Variants in NSUN3 observed in about 807,000 individuals in gnomAD.
NSUN3 encodes the protein tRNA (cytosine(34)-C(5))-methyltransferase, mitochondrial.
A neutral mutation model predicts 36.8 loss-of-function variants in NSUN3; 24 were observed. That is an observed-to-expected ratio of 0.65 (90% CI 0.47 to 0.92). The LOEUF is 0.92. Among genes scored for constraint, NSUN3 ranks in the 40% least tolerant of loss-of-function variants. The pLI is 0.00. For missense variants in NSUN3, 381 were observed against 392.8 expected (o/e 0.97, Z 0.25); for synonymous variants, 146 against 145.2 (o/e 1.01, Z -0.04).
chr3:94,067,823 A>G (rs947597382), intron 2 of NSUN3, among the ~76,000 whole-genome samples: 1 of 151,916 alleles, frequency 6.6e-6, no homozygotes, highest in Admixed American at 6.6e-5. Flanking sequence ...ATACACATCT[A>G]ACACTTTGAA....
intron 1 of NSUN3, 91 bp downstream of exon 1, chr3:94,063,229 A>G: frequency 1.6e-6 from 2 of 1,268,360 alleles, no homozygotes; most frequent in South Asian, 1.2e-5. Flanking sequence ...GGGATGGGGG[A>G]ACATCACCTT....
intron 2 of NSUN3, among the ~76,000 whole-genome samples, chr3:94,067,232 A>C (rs1282593418): frequency 3.3e-5 from 5 of 152,226 alleles, no homozygotes; most frequent in African/African-American, 1.2e-4. Flanking sequence ...CATTACTGCC[A>C]GCAAAAGTTG....
At chr3:94,073,234 G>A (rs1019073394) in intron 2 of NSUN3, among the ~76,000 whole-genome samples, 4 of 152,150 alleles carry the variant, frequency 2.6e-5, no homozygotes, top group Non-Finnish European at 4.4e-5. Context: ...ACAAGTCTTT[G>A]CTCTTGTGAA....
intron 5 of NSUN3, among the ~76,000 whole-genome samples, chr3:94,116,123 C>T (rs1283751991): frequency 1.3e-5 from 2 of 151,922 alleles, no homozygotes; most frequent in African/African-American, 2.4e-5. Context: ...CTTTTATTTT[C>T]CTTTCTTACT....
chr3:94,094,327 C>T (rs10934676), intron 4 of NSUN3, 33 bp downstream of exon 4: 22 of 1,588,112 alleles, frequency 1.4e-5, no homozygotes, highest in African/African-American at 1.3e-4. Context: ...AACTGATGGA[C>T]GCCCAGTAAT....
rs571728235 is a variant in NSUN3 at position 94,074,103 on chromosome 3, T to A, written c.122+9557T>A. ...TTTGTCAGGTTTGCCAAAGATCAGATAGTTGTAGATGTGTGGTATTATTTC... is the reference window on the plus strand; with the variant it reads ...TTTGTCAGGTTTGCCAAAGATCAGAAAGTTGTAGATGTGTGGTATTATTTC... On this transcript the variant is annotated intron_variant, in intron 2 of 5. Coordinates refer to ENST00000314622, the MANE Select transcript of NSUN3 (RefSeq NM_022072.5). Among the ~76,000 whole-genome samples, 5 of 152,294 alleles carry A rather than the reference T, an allele frequency of 3.3e-5. No individual in the cohort carries two copies. The South Asian group carries it at 1.0e-3, about 32-fold the overall frequency.
At chr3:94,091,527 C>A (rs989362871) in intron 3 of NSUN3, among the ~76,000 whole-genome samples, 5 of 152,060 alleles carry the variant, frequency 3.3e-5, no homozygotes, top group Non-Finnish European at 7.4e-5. Flanking sequence ...TTTGTGGTGT[C>A]CAAAAATGTA....
rs574306125 is a variant in NSUN3, at chr3:94,086,056, G to A, written c.466+1606G>A. Among the ~76,000 whole-genome samples the A allele has an allele frequency of 5.6e-4, 85 of 150,932 alleles. No homozygotes were observed. The East Asian group carries it at 6.0e-3, about 11-fold the overall frequency. ...CCTCCCAGGTTCGAGTGATTCTCCC[G>A]CCTCAGCCTCCCGAGTAGCTGGGAT... On this transcript the variant is annotated intron_variant, in intron 3 of 5. Transcript: ENST00000314622.
At chr3:94,097,689 G>T (rs2077348795) in intron 5 of NSUN3, among the ~76,000 whole-genome samples, 1 of 152,152 alleles carries the variant, frequency 6.6e-6, no homozygotes, top group African/African-American at 2.4e-5. Flanking sequence ...ACTGGACTTT[G>T]TTTACTGCTT....
chr3:94,117,086 C>T (rs1576101429), intron 5 of NSUN3, among the ~76,000 whole-genome samples: 3 of 149,408 alleles, frequency 2.0e-5, no homozygotes, highest in African/African-American at 7.4e-5. Flanking sequence ...GCAACCTCCA[C>T]CTCCTGGGTT....
intron 2 of NSUN3, chr3:94,076,906 A>G (rs1360718380): frequency 1.5e-6 from 2 of 1,347,872 alleles, no homozygotes; most frequent in Admixed American, 1.7e-5. Context: ...AATGAGCATC[A>G]TCATTAGGGA....
At chr3:94,112,286 T>C (rs896325114) in intron 5 of NSUN3, among the ~76,000 whole-genome samples, 3 of 152,144 alleles carry the variant, frequency 2.0e-5, no homozygotes, top group African/African-American at 7.2e-5. Flanking sequence ...TGAACATAAA[T>C]TATCTAGCCA....
intron 5 of NSUN3, among the ~76,000 whole-genome samples, chr3:94,108,128 G>T (rs2077398552): frequency 6.6e-6 from 1 of 151,660 alleles, no homozygotes; most frequent in African/African-American, 2.4e-5. Context: ...AGAAAAAAAT[G>T]TAAGAATAGT....
intron 5 of NSUN3, among the ~76,000 whole-genome samples, chr3:94,096,529 T>TAA (rs2077340769): frequency 6.6e-6 from 1 of 152,022 alleles, no homozygotes; most frequent in Admixed American, 6.6e-5. Flanking sequence ...GATAGAGTCT[T>TAA]ACTCTGTCAC....
chr3:94,080,850 G>T (rs1396689342), intron 2 of NSUN3, among the ~76,000 whole-genome samples: 1 of 152,292 alleles, frequency 6.6e-6, no homozygotes, highest in Non-Finnish European at 1.5e-5. Context: ...GGCTCCATGG[G>T]GGTGGGACCT....
intron 2 of NSUN3, among the ~76,000 whole-genome samples, chr3:94,078,093 C>T (rs1239092998): frequency 6.6e-6 from 1 of 152,166 alleles, no homozygotes; most frequent in Non-Finnish European, 1.5e-5. Context: ...GTAAATCTCC[C>T]TTTACACACT....
chr3:94,120,135 T>C (rs539300631), intron 5 of NSUN3, among the ~76,000 whole-genome samples: 46 of 152,244 alleles, frequency 3.0e-4, no homozygotes, highest in Non-Finnish European at 6.0e-4. Flanking sequence ...TGATTAAGCA[T>C]TGGCTTTGCT....
intron 3 of NSUN3, among the ~76,000 whole-genome samples, chr3:94,086,310 G>GCACA (rs1303456571): frequency 1.3e-5 from 2 of 152,158 alleles, no homozygotes; most frequent in Non-Finnish European, 2.9e-5. Context: ...CGATACCCTG[G>GCACA]CACATTCTAC....
At chr3:94,120,328 T>A (rs1233097909) in intron 5 of NSUN3, among the ~76,000 whole-genome samples, 4 of 152,212 alleles carry the variant, frequency 2.6e-5, no homozygotes, top group Non-Finnish European at 5.9e-5. Flanking sequence ...AGTTCAATAG[T>A]GTTAAGTACA....
Sources: gnomAD v4.1 joint callset for allele counts (sites outside exome capture counted in the v4.1 genomes callset) on GRCh38, gnomAD v4.1.1 for gene constraint, MANE v1.5 for transcripts, NCBI Gene and HGNC (gene_info 2026-07-23, HGNC 2026-07-21) for gene names.